NRG1: variants seen among roughly 807,000 people sequenced by gnomAD.
NRG1 encodes the protein neuregulin 1, also known as pro-neuregulin-1, membrane-bound isoform.
A neutral mutation model predicts 63.8 loss-of-function variants in NRG1; 18 were observed. That is an observed-to-expected ratio of 0.28 (90% CI 0.19 to 0.42). NRG1 has a LOEUF of 0.42. NRG1 is among the 10% of genes least tolerant of loss of function. The pLI is 1.00. For missense variants in NRG1, 762 were observed against 814.7 expected (o/e 0.94, Z 0.79); for synonymous variants, 302 against 301.3 (o/e 1.00, Z -0.02).
At position 32,299,732 on chromosome 8, in the gene NRG1, G is replaced by A. The variant is rs150178814; in HGVS notation, c.38-296096G>A. 2.9e-3 allele frequency among the ~76,000 whole-genome samples: 438 copies of A among 152,236 alleles called. 2 individuals carry two copies. The highest frequency in any genetic ancestry group is 0.01 in the African/African-American group (421 of 41,540). ...ACATCTTACATAGAGGCAGTCAAGA[G>A]GGCATGTGCAGAGGAACTGCCCTTT... On this transcript the variant is annotated intron_variant, in intron 1 of 10. Coordinates refer to the NRG1 transcript ENST00000519301.
intron 1 of NRG1, among the ~76,000 whole-genome samples, chr8:31,858,838 A>G (rs2129610146): frequency 6.6e-6 from 1 of 152,296 alleles, no homozygotes; most frequent in South Asian, 2.1e-4. Flanking sequence ...AGTTGAATGC[A>G]TTGGGTTACG....
intron 1 of NRG1, among the ~76,000 whole-genome samples, chr8:32,343,285 T>G (rs960677771): frequency 6.6e-6 from 1 of 152,204 alleles, no homozygotes; most frequent in Non-Finnish European, 1.5e-5. Flanking sequence ...TCCAACTTGT[T>G]AAGCCTTCTT....
At chr8:31,799,562 C>T (rs894710028) in intron 1 of NRG1, among the ~76,000 whole-genome samples, 1 of 151,934 alleles carries the variant, frequency 6.6e-6, no homozygotes, top group Non-Finnish European at 1.5e-5. Flanking sequence ...TTCAGTTATA[C>T]ACATACACAT....
chr8:32,480,557 A>T (rs1825132488), intron 1 of NRG1, among the ~76,000 whole-genome samples: 2 of 152,196 alleles, frequency 1.3e-5, no homozygotes, highest in African/African-American at 2.4e-5. Context: ...CCTTCCTACA[A>T]TGTATATGTG....
intron 1 of NRG1, among the ~76,000 whole-genome samples, chr8:31,906,092 A>T (rs1015426320): frequency 6.6e-6 from 1 of 152,178 alleles, no homozygotes; most frequent in African/African-American, 2.4e-5. Flanking sequence ...GAATCCAACA[A>T]CAGCTTCATG....
chr8:32,771,715 A>AAAAAAAAATATATATAT (rs1343943621), downstream of NRG1, among the ~76,000 whole-genome samples: 2 of 111,848 alleles, frequency 1.8e-5, no homozygotes, highest in East Asian at 2.7e-4. Context: ...TTAAAAAAAA[A>AAAAAAAAATATATATAT]ATATATATAT....
chr8:31,853,327 A>C (rs1221444495), intron 1 of NRG1, among the ~76,000 whole-genome samples: 27 of 151,012 alleles, frequency 1.8e-4, no homozygotes, highest in Non-Finnish European at 2.8e-4. Flanking sequence ...GGTCCTTCAC[A>C]TCCCTTGTAA....
At chr8:32,741,404 C>G (rs1326156333) in intron 6 of NRG1, among the ~76,000 whole-genome samples, 1 of 152,002 alleles carries the variant, frequency 6.6e-6, no homozygotes, top group East Asian at 1.9e-4. Context: ...TGATAAAAAT[C>G]TGCTTCTAGT....
At chr8:32,649,652 G>C (rs949082844) in intron 5 of NRG1, among the ~76,000 whole-genome samples, 7 of 152,150 alleles carry the variant, frequency 4.6e-5, no homozygotes, top group Non-Finnish European at 8.8e-5. Flanking sequence ...AGAAAAACTT[G>C]ATTTGTGCTT....
At chr8:32,647,914 G>A (rs1317876707) in intron 5 of NRG1, 3 of 1,614,080 alleles carry the variant, frequency 1.9e-6, no homozygotes, top group Non-Finnish European at 8.5e-7. Flanking sequence ...GAAGCTGAGC[G>A]CCTGAGAGGT....
intron 5 of NRG1, among the ~76,000 whole-genome samples, chr8:32,665,587 G>A (rs868455144): frequency 6.6e-6 from 1 of 152,076 alleles, no homozygotes; most frequent in African/African-American, 2.4e-5. Context: ...ATGTTCCAGG[G>A]AAAGGAATAG....
chr8:32,261,476 T>C (rs1183302168), intron 1 of NRG1, among the ~76,000 whole-genome samples: 3 of 152,074 alleles, frequency 2.0e-5, no homozygotes, highest in African/African-American at 4.8e-5. Flanking sequence ...CTTTTTAAGA[T>C]AGACATTGCT....
intron 1 of NRG1, among the ~76,000 whole-genome samples, chr8:32,142,160 AACTGATAG>A (rs1327741915): frequency 6.6e-6 from 1 of 152,156 alleles, no homozygotes; most frequent in Non-Finnish European, 1.5e-5. Context: ...ACATTTTTTG[AACTGATAG>A]AGGGATGGGT....
In NRG1 at chr8:32,611,284, A is replaced by C. The variant is rs149940656; in HGVS notation, c.401-3230A>C. 6.9e-3 allele frequency among the ~76,000 whole-genome samples: 1,053 copies of C among 152,214 alleles called. 12 individuals carry two copies. Among genetic ancestry groups the C allele is most frequent in the African/African-American group, 0.024 (983 of 41,578 alleles). On this transcript the variant is annotated intron_variant, in intron 3 of 11. Coordinates refer to ENST00000356819, the Ensembl canonical transcript of NRG1. ...AGCAGAAAAATATTATTTTTATAAA[A>C]TTTAATTAAATTATCAATTGCAGCT...
At chr8:32,049,286 G>C (rs565498264) in intron 1 of NRG1, among the ~76,000 whole-genome samples, 2 of 152,226 alleles carry the variant, frequency 1.3e-5, no homozygotes, top group South Asian at 2.1e-4. Flanking sequence ...AACATTCTAA[G>C]CTTATGAAAA....
At chr8:32,032,154 T>A (rs1296223066) in intron 1 of NRG1, among the ~76,000 whole-genome samples, 1 of 152,248 alleles carries the variant, frequency 6.6e-6, no homozygotes, top group African/African-American at 2.4e-5. Context: ...CTAATTGGCA[T>A]GAGATAGTAT....
intron 1 of NRG1, among the ~76,000 whole-genome samples, chr8:31,641,996 C>T (rs1403372437): frequency 1.3e-5 from 2 of 152,154 alleles, no homozygotes; most frequent in African/African-American, 4.8e-5. Context: ...TGTTCACCCA[C>T]CATTCCCTTA....
chr8:32,284,160 G>A (rs903581172), intron 1 of NRG1, among the ~76,000 whole-genome samples: 1 of 152,064 alleles, frequency 6.6e-6, no homozygotes, highest in Non-Finnish European at 1.5e-5. Context: ...GTGGAGTCTG[G>A]TTTTAGCAAG....
chr8:31,894,924 GA>G (rs564900833), intron 1 of NRG1, among the ~76,000 whole-genome samples: 11 of 150,216 alleles, frequency 7.3e-5, no homozygotes, highest in South Asian at 2.1e-4. Flanking sequence ...TTGCAATCAG[GA>G]AAAAAAAAGT....
Sources: gnomAD v4.1 joint callset for allele counts (sites outside exome capture counted in the v4.1 genomes callset) on GRCh38, gnomAD v4.1.1 for gene constraint, MANE v1.5 for transcripts, NCBI Gene and HGNC (gene_info 2026-07-23, HGNC 2026-07-21) for gene names.